The following GREB1 variants were observed in gnomAD, a reference collection of about 807,000 sequenced individuals.
GREB1 encodes protein GREB1.
Under a neutral mutation model 200.7 loss-of-function variants are expected in GREB1, and 106 were observed. The observed-to-expected ratio is 0.53, with a 90% CI of 0.45 to 0.62. The LOEUF is 0.62. Among genes scored for constraint, GREB1 ranks in the 20% least tolerant of loss-of-function variants. The pLI, the probability that GREB1 is intolerant of heterozygous loss-of-function variation, is 0.00. For missense variants in GREB1, 2,243 were observed against 2,556.8 expected, an observed-to-expected ratio of 0.88 and a Z score of 2.65; for synonymous variants, 1,132 against 1,092.4, an observed-to-expected ratio of 1.04 and a Z score of -0.72.
At chr2:11,521,021 T>A (rs1301774771) in intron 1 of GREB1, among the ~76,000 whole-genome samples, 1 of 152,180 alleles carries the variant, frequency 6.6e-6, no homozygotes, top group Non-Finnish European at 1.5e-5. Context: ...CCGTGTGGGC[T>A]CCATGGTCTA....
At chr2:11,632,733 C>T (rs1684985232) in intron 27 of GREB1, among the ~76,000 whole-genome samples, 156 bp from the exon 28 acceptor site, 1 of 152,182 alleles carries the variant, frequency 6.6e-6, no homozygotes, top group African/African-American at 2.4e-5. Context: ...GTTTTCTCTC[C>T]CTAGCCCATG....
At chr2:11,607,456 GTGTGTA>G (rs1271687091) in intron 17 of GREB1, among the ~76,000 whole-genome samples, 3,173 of 49,454 alleles carry the variant, frequency 0.064, 141 homozygotes, top group African/African-American at 0.11. Flanking sequence ...GTGTGTGTGT[GTGTGTA>G]TATATATATA....
At chr2:11,612,277 G>A (rs2148316793) in intron 18 of GREB1, 1 of 1,259,598 alleles carries the variant, frequency 7.9e-7, no homozygotes, top group Non-Finnish European at 1.0e-6. Context: ...AGATGTCTTG[G>A]ACATGCTCTG....
intron 1 of GREB1, among the ~76,000 whole-genome samples, chr2:11,512,917 A>G (rs2148453411): frequency 6.6e-6 from 1 of 152,344 alleles, no homozygotes; most frequent in South Asian, 2.1e-4. Flanking sequence ...TCAGGTCAAA[A>G]TGACCTTCTT....
chr2:11,483,746 AGGGCGCCGGCAGCTGGAGACT>A (rs1449054619), intron 1 of GREB1, among the ~76,000 whole-genome samples: 2 of 148,824 alleles, frequency 1.3e-5, no homozygotes, highest in Non-Finnish European at 3.0e-5. Context: ...CCCGGCCACC[AGGGCGCCGGCAGCTGGAGACT>A]GGGAGAGCCG....
chr2:11,576,240 G>C, intron 4 of GREB1, 113 bp from the exon 5 acceptor site: 1 of 793,746 alleles, frequency 1.3e-6, no homozygotes, highest in Admixed American at 2.4e-5. Flanking sequence ...CTGGGAGATA[G>C]AGGTTGCAGC....
chr2:11,501,915 T>A (rs1337797471), intron 1 of GREB1, among the ~76,000 whole-genome samples: 1 of 114,456 alleles, frequency 8.7e-6, no homozygotes, highest in East Asian at 2.6e-4. Flanking sequence ...GTTTTTTTTT[T>A]TTTTTTTTTT....
Position 11,615,174 on chromosome 2 carries a change from C to T in GREB1, c.3206C>T (p.Ala1069Val). 1 of 1,614,136 alleles carries T rather than the reference C, an allele frequency of 6.2e-7. No individual in the cohort carries two copies. The highest frequency in any genetic ancestry group is 8.5e-7 in the Non-Finnish European group (1 of 1,179,986). Residue 1069 changes from alanine (A) to valine (V), a missense_variant, in exon 20 of 33, where the codon GCC becomes GTC. Ala to Val is a moderately conservative substitution (Grantham distance 64). This residue lies in a region of GREB1 where 1,178 missense variants were observed against 1,387.4 expected (regional missense o/e 0.85). Coordinates refer to ENST00000381486, the MANE Select transcript of GREB1 (RefSeq NM_014668.4). ...TTGGAGCAGGAGCTGGGCCTGGCTG[C>T]CTACTTTGTGAGCAACGAGGTTCCC... ...TALEQELGLA[A>V]YFVSNEVPLE...
At chr2:11,525,605 G>C (rs1020459164) in intron 1 of GREB1, among the ~76,000 whole-genome samples, 1 of 151,668 alleles carries the variant, frequency 6.6e-6, no homozygotes, top group Non-Finnish European at 1.5e-5. Flanking sequence ...AGTTGGCCAA[G>C]ACATGGGAGG....
At chr2:11,616,379 C>T (rs1385020896) in intron 20 of GREB1, among the ~76,000 whole-genome samples, 1 of 152,256 alleles carries the variant, frequency 6.6e-6, no homozygotes, top group African/African-American at 2.4e-5. Flanking sequence ...TTTGCATCTC[C>T]TCCACCAGCT....
intron 1 of GREB1, among the ~76,000 whole-genome samples, chr2:11,511,154 A>G (rs1236121099): frequency 6.6e-6 from 1 of 152,172 alleles, no homozygotes; most frequent in African/African-American, 2.4e-5. Context: ...AGCAGTCTTC[A>G]CAAGAACGAA....
chr2:11,616,529 G>A (rs1260691887), intron 20 of GREB1, 102 bp from the exon 21 acceptor site: 1 of 762,594 alleles, frequency 1.3e-6, no homozygotes, highest in Non-Finnish European at 2.4e-6. Context: ...AATGGATGGG[G>A]AGAGGTGATG....
intron 4 of GREB1, among the ~76,000 whole-genome samples, chr2:11,570,101 A>G (rs1300373636): frequency 6.6e-6 from 1 of 152,142 alleles, no homozygotes; most frequent in East Asian, 1.9e-4. Flanking sequence ...ATATATCGGC[A>G]GGGCATTATC....
rs769980721 is a variant in GREB1 at position 11,634,138 on chromosome 2, T to C, written c.4999T>C (p.Ser1667Pro). The C allele has an allele frequency of 6.2e-7, 1 of 1,614,174 alleles. No individual in the cohort carries two copies. Among genetic ancestry groups the C allele is most frequent in the African/African-American group, 1.3e-5 (1 of 75,052 alleles). ...TCTCCCTCCTTGGAGCAGGGAGTTC[T>C]CCTGGTCGGAAAGGAACGTGTCTTT... is the stretch of plus-strand genomic sequence containing the variant. ...NSAGERSREF[S>P]WSERNVSLKH... The change falls in exon 29 of 33, where the codon TCC becomes CCC. Residue 1667 changes from serine to proline, a missense_variant. Physicochemically the swap from Ser to Pro is moderately conservative, Grantham distance 74. This residue lies in a region of GREB1 where 478 missense variants were observed against 616.3 expected (regional missense o/e 0.78). Coordinates refer to ENST00000381486, the MANE Select transcript of GREB1 (RefSeq NM_014668.4).
At chr2:11,615,815 A>G (rs1430996394) in intron 20 of GREB1, among the ~76,000 whole-genome samples, 4 of 152,356 alleles carry the variant, frequency 2.6e-5, no homozygotes, top group East Asian at 3.9e-4. Flanking sequence ...GGCATTGACT[A>G]TAGTCAACAA....
chr2:11,566,228 G>A (rs188485078), intron 3 of GREB1, among the ~76,000 whole-genome samples: 2 of 152,220 alleles, frequency 1.3e-5, no homozygotes, highest in Admixed American at 1.3e-4. Context: ...CATTGGCCAG[G>A]CTGGTCTTGA....
chr2:11,562,347 G>C, intron 2 of GREB1, 116 bp from the exon 3 acceptor site: 1 of 1,373,006 alleles, frequency 7.3e-7, no homozygotes, highest in Non-Finnish European at 1.0e-6. Flanking sequence ...TTCTGGATTA[G>C]TCCCATAGGT....
At chr2:11,508,353 G>T (rs1356859625) in intron 1 of GREB1, among the ~76,000 whole-genome samples, 1 of 152,206 alleles carries the variant, frequency 6.6e-6, no homozygotes, top group African/African-American at 2.4e-5. Flanking sequence ...CCTCTGCATC[G>T]GGACACATGA....
rs111645155 is a variant in GREB1, at chr2:11,602,356, C to G, written c.2530-50C>G. 2.2e-5 allele frequency: 35 copies of G among 1,574,516 alleles called. No individual in the cohort carries two copies. In the East Asian group the frequency reaches 7.7e-4, roughly 34 times the overall value. The stretch of plus-strand genomic sequence containing the variant: ...CAGGCCTGGCACACGAACCTCTGAC[C>G]GTCCCTGCGAATGCAGTGTTGGAGT... On this transcript the variant is annotated intron_variant, in intron 16 of 32. Transcript: ENST00000381486.
Sources: allele counts gnomAD v4.1 joint callset (sites outside exome capture counted in the v4.1 genomes callset), GRCh38; gene constraint gnomAD v4.1.1; regional missense constraint gnomAD v4.1.1; transcripts MANE v1.5; gene names NCBI Gene and HGNC (gene_info 2026-07-23, HGNC 2026-07-21).